Variants in TNPO1 observed in about 807,000 individuals in gnomAD.
TNPO1 encodes the protein transportin-1.
Under a neutral mutation model 119.5 loss-of-function variants are expected in TNPO1, and 8 were observed. The ratio of observed to expected loss-of-function variants is 0.07; its 90% CI spans 0.04 to 0.12. The LOEUF is 0.12. Ranked by LOEUF, TNPO1 falls within the 10% of genes least tolerant of loss-of-function variation. The probability of loss-of-function intolerance (pLI) is 1.00; values close to 1 mark genes in which losing one functional copy is unlikely to be tolerated. For missense variants in TNPO1, 576 were observed against 1,089.8 expected (o/e 0.53, Z 6.64); for synonymous variants, 362 against 363.0 (o/e 1.00, Z 0.03).
In TNPO1 at chr5:72,892,132, ATAGAG is replaced by A. The variant is rs544049908; in HGVS notation, c.1788+241_1788+245del. ...TAGATAGCATACTACTCTATATAGT[ATAGAG>A]TAGATAACATACTGGGAGGATATAT... On this transcript the variant is annotated intron_variant, in intron 15 of 24. Transcript: ENST00000337273. 2.0e-3 allele frequency among the ~76,000 whole-genome samples: 304 copies of A among 152,170 alleles called. 3 individuals carry two copies. The highest frequency in any genetic ancestry group is 7.1e-3 in the African/African-American group (294 of 41,516).
chr5:72,877,238 A>T lies in TNPO1; in HGVS notation c.812A>T (p.Gln271Leu). Residue 271 changes from glutamine to leucine, a missense_variant, in exon 9 of 25, where the codon CAG (glutamine) becomes CTG (leucine). Physicochemically the swap from Gln to Leu is moderately radical, Grantham distance 113 (BLOSUM62 -2). This residue lies in a region of TNPO1 where 310 missense variants were observed against 583.0 expected (regional missense o/e 0.53). Coordinates refer to ENST00000337273, the MANE Select transcript of TNPO1 (RefSeq NM_002270.4). ...ATATTGTGTTTCCAGTACATGCTAC[A>T]GAGGACTCAAGATCAAGATGAAAAT... Reference protein sequence around the residue: ...HMHNIVEYMLQRTQDQDENVA... With the variant: ...HMHNIVEYMLLRTQDQDENVA... 2 of 1,604,124 alleles carry T rather than the reference A, an allele frequency of 1.2e-6. No individual in the cohort carries two copies. Among genetic ancestry groups the T allele is most frequent in the Non-Finnish European group, 1.7e-6 (2 of 1,171,970 alleles).
In TNPO1 at chr5:72,909,949, A is replaced by G. The variant is rs1750447199; in HGVS notation, c.*1276A>G. On this transcript the variant is annotated 3_prime_UTR_variant, in exon 25 of 25. Coordinates refer to ENST00000337273, the MANE Select transcript of TNPO1 (RefSeq NM_002270.4). ...ATTTTATCAAAACTTCTAAAATTTA[A>G]ATTACGTGGTAAAAGATCTGTAAAA... 1 of 152,610 alleles carries G rather than the reference A, an allele frequency of 6.6e-6. No individual in the cohort carries two copies. The highest frequency in any genetic ancestry group is 2.1e-4 in the South Asian group (1 of 4,834). 9.5% of individuals were successfully genotyped at this position (152,610 alleles called of 1,614,324 possible).
Position 72,909,020 on chromosome 5 carries a change from C to A in TNPO1, c.*347C>A, listed in dbSNP as rs1427240467. ...AATATTATGGGGAATTGTACCAAAACAAGAACCATATAAATGATGCCTAGG... is the reference window on the plus strand; with the variant it reads ...AATATTATGGGGAATTGTACCAAAAAAAGAACCATATAAATGATGCCTAGG... On this transcript the variant is annotated 3_prime_UTR_variant, in exon 25 of 25. Transcript: ENST00000337273. The A allele has an allele frequency of 8.8e-6, 3 of 340,814 alleles. No individual in the cohort carries two copies. Among genetic ancestry groups the A allele is most frequent in the Non-Finnish European group, 1.8e-5 (3 of 169,184 alleles). 21.1% of individuals were successfully genotyped at this position (340,814 alleles called of 1,614,324 possible).
At chr5:72,850,152 TTTAA>T (rs1745437113) in intron 2 of TNPO1, among the ~76,000 whole-genome samples, 1 of 152,200 alleles carries the variant, frequency 6.6e-6, no homozygotes. Context: ...AGATAATATA[TTTAA>T]TTATTATTTT....
Position 72,905,457 on chromosome 5 carries a change from G to C in TNPO1, c.*35+12G>C, listed in dbSNP as rs544847546. The stretch of plus-strand genomic sequence containing the variant: ...TCCCAAAATTAGGGGTAAGTTATAA[G>C]AAGTTTGGAAATTTTCAGGATGAAG... On this transcript the variant is annotated intron_variant, in intron 24 of 24. Coordinates refer to ENST00000337273, the MANE Select transcript of TNPO1 (RefSeq NM_002270.4). The C allele has an allele frequency of 1.5e-5, 21 of 1,386,288 alleles. No individual in the cohort carries two copies. The East Asian group carries it at 3.5e-4, about 23-fold the overall frequency. 85.9% of individuals were successfully genotyped at this position (1,386,288 alleles called of 1,614,324 possible). A position where few individuals can be genotyped will look rare whatever the true frequency, so the allele number is the denominator to read the frequency against.
At chr5:72,847,393 C>G (rs1182108334) in intron 1 of TNPO1, among the ~76,000 whole-genome samples, 1 of 152,160 alleles carries the variant, frequency 6.6e-6, no homozygotes, top group African/African-American at 2.4e-5. Context: ...GTAGCAGATG[C>G]AACTCATAGT....
In TNPO1 at chr5:72,839,022, T is replaced by C. The variant is rs1426028839; in HGVS notation, c.16-9363T>C. Among the ~76,000 whole-genome samples the C allele has an allele frequency of 5.9e-5, 9 of 152,190 alleles. No individual in the cohort carries two copies. The East Asian group carries it at 1.3e-3, about 23-fold the overall frequency. On this transcript the variant is annotated intron_variant, in intron 1 of 24. Coordinates refer to ENST00000337273, the MANE Select transcript of TNPO1 (RefSeq NM_002270.4). ...TGTTCTGAAAGGAAATTTATAATCATGTTATAATACGTAAGGCTTTTAAAA... is the reference window on the plus strand; with the variant it reads ...TGTTCTGAAAGGAAATTTATAATCACGTTATAATACGTAAGGCTTTTAAAA...
intron 20 of TNPO1, among the ~76,000 whole-genome samples, chr5:72,898,705 A>G (rs1749616708): frequency 1.3e-5 from 2 of 152,102 alleles, no homozygotes. Context: ...TCAATGGACC[A>G]TCATCTGCTT....
rs183949216 is a variant in TNPO1, at chr5:72,882,915, G to A, written c.982-149G>A. 93 of 658,826 alleles carry A rather than the reference G, an allele frequency of 1.4e-4. No individual in the cohort carries two copies. In the East Asian group the frequency reaches 2.3e-3, roughly 16 times the overall value. The allele number at this position is 658,826 out of a possible 1,614,324, so 40.8% of individuals were successfully genotyped here. On this transcript the variant is annotated intron_variant, in intron 10 of 24. Coordinates refer to ENST00000337273, the MANE Select transcript of TNPO1 (RefSeq NM_002270.4). ...CGCCCCTCCATAAGGAATATGTTCT[G>A]TACATGGGCGTGGTTCTTAATCACT...
chr5:72,893,700 A>T lies in TNPO1; in HGVS notation c.2140A>T (p.Ile714Leu), dbSNP rs1348942717. The T allele has an allele frequency of 6.2e-7, 1 of 1,613,562 alleles. No individual in the cohort carries two copies. Among genetic ancestry groups the T allele is most frequent in the Non-Finnish European group, 8.5e-7 (1 of 1,179,688 alleles). ...KACFQHVKPC[I>L]ADFMPILGTN... ...TTGCTTTCAGCATGTTAAGCCTTGT[A>T]TAGGTATGAATATTTTCTACTGCTA... The change falls in exon 18 of 25, where the codon ATA becomes TTA. Residue 714 changes from isoleucine to leucine, a missense_variant. Transcript: ENST00000337273.
chr5:72,821,550 T>C (rs921829316), intron 1 of TNPO1, among the ~76,000 whole-genome samples: 1 of 152,196 alleles, frequency 6.6e-6, no homozygotes, highest in African/African-American at 2.4e-5. Context: ...ATATTTTGAC[T>C]GGAGCATAGC....
chr5:72,864,609 C>T (rs1355442199), intron 5 of TNPO1, among the ~76,000 whole-genome samples: 1 of 151,544 alleles, frequency 6.6e-6, no homozygotes, highest in Non-Finnish European at 1.5e-5. Context: ...ATGTAAGTAA[C>T]TTTTTTTTCC....
At chr5:72,879,783 T>C (rs1339329974) in intron 9 of TNPO1, among the ~76,000 whole-genome samples, 2 of 152,262 alleles carry the variant, frequency 1.3e-5, no homozygotes, top group Admixed American at 1.3e-4. Flanking sequence ...TAACTTGTTT[T>C]TCCTATTTAT....
At position 72,901,090 on chromosome 5, in the gene TNPO1, G is replaced by T. The variant is rs897602472; in HGVS notation, c.2514+17G>T. Reference sequence around the variant, plus strand: ...GTAATCCAAGTAAGATGTTCACAAAGATTTGTTTTTAATGTCTAATTAATA... The same window carrying T: ...GTAATCCAAGTAAGATGTTCACAAATATTTGTTTTTAATGTCTAATTAATA... On this transcript the variant is annotated intron_variant, in intron 22 of 24. Coordinates refer to ENST00000337273, the MANE Select transcript of TNPO1 (RefSeq NM_002270.4). 1 of 1,549,036 alleles carries T rather than the reference G, an allele frequency of 6.5e-7. No homozygotes were observed. Among genetic ancestry groups the T allele is most frequent in the South Asian group, 1.2e-5 (1 of 82,208 alleles).
At position 72,900,096 on chromosome 5, in the gene TNPO1, A is replaced by G. The variant is rs765479824; in HGVS notation, c.2414+15A>G. On this transcript the variant is annotated intron_variant, in intron 21 of 24. Transcript: ENST00000337273. ...ATAAGACCCTGGTGTGTATTATTCA[A>G]TCTTTTTTTTTAATTCATTTTTCTT... 2.6e-5 allele frequency: 42 copies of G among 1,598,050 alleles called. No individual in the cohort carries two copies. Among genetic ancestry groups the G allele is most frequent in the Middle Eastern group, 1.7e-4 (1 of 5,920 alleles).
chr5:72,904,798 C>T (rs572434521), intron 23 of TNPO1, among the ~76,000 whole-genome samples: 10 of 152,040 alleles, frequency 6.6e-5, no homozygotes, highest in Admixed American at 2.0e-4. Flanking sequence ...ACTCTGTCCC[C>T]GCCACACACA....
intron 21 of TNPO1, 88 bp downstream of exon 21, chr5:72,900,169 A>C: frequency 8.4e-7 from 1 of 1,186,616 alleles, no homozygotes; most frequent in Non-Finnish European, 1.2e-6. Flanking sequence ...TCAGTTGGTT[A>C]CAAAAATCAC....
intron 2 of TNPO1, among the ~76,000 whole-genome samples, chr5:72,849,087 CTG>C (rs755689510): frequency 3.9e-5 from 6 of 152,214 alleles, no homozygotes; most frequent in Admixed American, 3.9e-4. Context: ...AAAGGGGTCT[CTG>C]TGCCTCACCC....
chr5:72,846,071 T>A lies in TNPO1; in HGVS notation c.16-2314T>A, dbSNP rs142953453. Among the ~76,000 whole-genome samples, 740 of 152,330 alleles carry A rather than the reference T, an allele frequency of 4.9e-3. 7 individuals are homozygous for A. Among genetic ancestry groups the A allele is most frequent in the African/African-American group, 0.017 (718 of 41,582 alleles). The stretch of plus-strand genomic sequence containing the variant: ...TGTGCTGGTGGAGATAAAGGAAACA[T>A]TCATATTGTTGGCGTGTGTGAATTG... On this transcript the variant is annotated intron_variant, in intron 1 of 24. Transcript: ENST00000337273.
Sources: allele counts gnomAD v4.1 joint callset (sites outside exome capture counted in the v4.1 genomes callset), GRCh38; gene constraint gnomAD v4.1.1; regional missense constraint gnomAD v4.1.1; transcripts MANE v1.5; gene names NCBI Gene and HGNC (gene_info 2026-07-23, HGNC 2026-07-21).